The following LAMA1 variants were observed in gnomAD, a reference collection of about 807,000 sequenced individuals.
LAMA1 encodes laminin subunit alpha 1, also known as laminin subunit alpha-1.
Under a neutral mutation model 348.7 loss-of-function variants are expected in LAMA1, and 219 were observed. The ratio of observed to expected loss-of-function variants is 0.63; its 90% CI spans 0.56 to 0.70. The LOEUF (loss-of-function observed/expected upper bound fraction) is 0.70, where lower values mean the gene tolerates loss of function less well. Among genes scored for constraint, LAMA1 ranks in the 30% least tolerant of loss-of-function variants. The pLI, the probability that LAMA1 is intolerant of heterozygous loss-of-function variation, is 0.00. For synonymous variants in LAMA1, 1,487 were observed against 1,491.0 expected (o/e 1.00, Z 0.06); for missense variants, 3,744 against 3,888.0 (o/e 0.96, Z 0.99).
At chr18:7,038,528 C>T in intron 11 of LAMA1, 1 of 475,560 alleles carries the variant, frequency 2.1e-6, no homozygotes, top group Non-Finnish European at 3.8e-6. Context: ...GCCGACCTCC[C>T]CACCCAATCC....
At chr18:6,975,564 C>T (rs1360868645) in intron 45 of LAMA1, among the ~76,000 whole-genome samples, 2 of 152,226 alleles carry the variant, frequency 1.3e-5, no homozygotes, top group East Asian at 1.9e-4. Context: ...GCCAAGGTAT[C>T]GAAGACCTTT....
rs151335586 is a variant in LAMA1, at chr18:7,100,769, G to C, written c.61+16891C>G. Among the ~76,000 whole-genome samples, 11 of 152,204 alleles carry C rather than the reference G, an allele frequency of 7.2e-5. No homozygotes were observed. In the East Asian group the frequency reaches 2.1e-3, roughly 29 times the overall value. On this transcript the variant is annotated intron_variant, in intron 1 of 62. Coordinates refer to ENST00000389658, the MANE Select transcript of LAMA1 (RefSeq NM_005559.4). ...TCACACCTGTAATCCCAGCACTTTG[G>C]GGGGCCGAGACTGGCAGATCACTTG...
intron 58 of LAMA1, among the ~76,000 whole-genome samples, chr18:6,949,939 T>C (rs565914065): frequency 2.0e-5 from 3 of 152,358 alleles, no homozygotes; most frequent in South Asian, 4.2e-4. Context: ...TGTTTATACT[T>C]TGCCCTTTTA....
intron 9 of LAMA1, 69 bp downstream of exon 9, chr18:7,042,076 C>G (rs2035341460): frequency 9.8e-7 from 1 of 1,022,850 alleles, no homozygotes; most frequent in East Asian, 2.6e-5. Flanking sequence ...ACCATTAGTT[C>G]CAGTATGTGC....
chr18:7,055,830 C>T (rs2058079365), intron 3 of LAMA1, among the ~76,000 whole-genome samples: 1 of 152,006 alleles, frequency 6.6e-6, no homozygotes, highest in Non-Finnish European at 1.5e-5. Flanking sequence ...ACCTGTAATC[C>T]CAGCATTTTG....
chr18:6,965,501 G>A (rs1466022067), intron 49 of LAMA1, 69 bp from the exon 50 acceptor site: 1 of 1,555,854 alleles, frequency 6.4e-7, no homozygotes. Context: ...CTTCAAGTCA[G>A]GGATGGCTGA....
At chr18:7,066,180 T>G (rs1419677086) in intron 3 of LAMA1, among the ~76,000 whole-genome samples, 1 of 152,256 alleles carries the variant, frequency 6.6e-6, no homozygotes, top group Non-Finnish European at 1.5e-5. Flanking sequence ...TTCCATGATT[T>G]AGGCTTAAAA....
chr18:7,081,958 C>T (rs1257914122), intron 1 of LAMA1, among the ~76,000 whole-genome samples: 1 of 152,148 alleles, frequency 6.6e-6, no homozygotes, highest in African/African-American at 2.4e-5. Context: ...TTCATGGCTT[C>T]CACTGTTATT....
chr18:6,963,107 G>A (rs1178418416), intron 51 of LAMA1, among the ~76,000 whole-genome samples: 3 of 151,540 alleles, frequency 2.0e-5, no homozygotes, highest in African/African-American at 7.3e-5. Context: ...GGACCATTAA[G>A]CAACTATATG....
chr18:7,002,839 T>C (rs908896306), intron 29 of LAMA1, among the ~76,000 whole-genome samples: 2 of 152,072 alleles, frequency 1.3e-5, no homozygotes, highest in East Asian at 1.9e-4. Context: ...GCACCACTGA[T>C]AGATTACTGC....
rs189761040 is a variant in LAMA1 at position 7,060,043 on chromosome 18, C to T, written c.346-9107G>A. Among the ~76,000 whole-genome samples, 654 of 152,324 alleles carry T rather than the reference C, an allele frequency of 4.3e-3. 3 individuals carry two copies. The highest frequency in any genetic ancestry group is 0.027 in the Middle Eastern group (8 of 294). ...GCTAATTACCAATGCAGATATGGCT[C>T]ACTTCCAGTTTTATAGCGTGTCAAT... On this transcript the variant is annotated intron_variant, in intron 3 of 62. Coordinates refer to ENST00000389658, the MANE Select transcript of LAMA1 (RefSeq NM_005559.4).
At chr18:6,998,009 C>G (rs1397716243) in intron 32 of LAMA1, 125 bp from the exon 33 acceptor site, 10 of 821,024 alleles carry the variant, frequency 1.2e-5, no homozygotes, top group Admixed American at 1.7e-5. Flanking sequence ...CTCCAAGACC[C>G]CGTGCACCAC....
In LAMA1 at chr18:7,003,554, G is replaced by C. The variant is rs180938393; in HGVS notation, c.4261-1169C>G. 5.9e-5 allele frequency among the ~76,000 whole-genome samples: 9 copies of C among 152,146 alleles called. No individual in the cohort carries two copies. In the East Asian group the frequency reaches 1.7e-3, roughly 29 times the overall value. ...ATTACAGGCGTGAGCCACCGTGCCC[G>C]GCCAAAAAGGTACACATTTTTAAAG... On this transcript the variant is annotated intron_variant, in intron 29 of 62. Coordinates refer to ENST00000389658, the MANE Select transcript of LAMA1 (RefSeq NM_005559.4).
At chr18:6,975,377 G>A (rs944685149) in intron 45 of LAMA1, among the ~76,000 whole-genome samples, 7 of 152,178 alleles carry the variant, frequency 4.6e-5, no homozygotes, top group Non-Finnish European at 1.0e-4. Flanking sequence ...CCCAGTCTCC[G>A]AGGTAAGAAA....
chr18:6,990,563 C>T lies in LAMA1; in HGVS notation c.5168+1998G>A, dbSNP rs189629100. On this transcript the variant is annotated intron_variant, in intron 36 of 62. Coordinates refer to ENST00000389658, the MANE Select transcript of LAMA1 (RefSeq NM_005559.4). ...AGAGCACAGCTGAAGCCTCAGTGTG[C>T]AGTCGGGGCTGCAGGACTAACGTTC... is the stretch of plus-strand genomic sequence containing the variant. Among the ~76,000 whole-genome samples the T allele has an allele frequency of 2.8e-4, 43 of 152,272 alleles. No individual in the cohort carries two copies. In the East Asian group the frequency reaches 7.5e-3, roughly 27 times the overall value.
At position 7,000,066 on chromosome 18, in the gene LAMA1, C is replaced by T. The variant is rs1234238081; in HGVS notation, c.4383-69G>A. 8 of 1,147,834 alleles carry T rather than the reference C, an allele frequency of 7.0e-6. No individual in the cohort carries two copies. In the East Asian group the frequency reaches 1.2e-4, roughly 18 times the overall value. 71.1% of individuals were successfully genotyped at this position (1,147,834 alleles called of 1,614,324 possible). ...TCCATCTTTCCTTAAGGTACTTATTCATTACTCTTAGGATACACCATACTG... is the reference window on the plus strand; with the variant it reads ...TCCATCTTTCCTTAAGGTACTTATTTATTACTCTTAGGATACACCATACTG... On this transcript the variant is annotated intron_variant, in intron 30 of 62. Transcript: ENST00000389658.
chr18:6,957,372 T>TGAAC (rs2057584760), intron 55 of LAMA1: 1 of 157,412 alleles, frequency 6.4e-6, no homozygotes, highest in Admixed American at 6.0e-5. Flanking sequence ...AATGAATGAA[T>TGAAC]GAACAGACAA....
At chr18:7,109,636 A>C (rs1198593303) in intron 1 of LAMA1, among the ~76,000 whole-genome samples, 1 of 152,118 alleles carries the variant, frequency 6.6e-6, no homozygotes, top group Non-Finnish European at 1.5e-5. Context: ...ACCAAATCAC[A>C]CAGCTGCAAG....
chr18:6,987,288 T>C (rs909832146), intron 36 of LAMA1, among the ~76,000 whole-genome samples: 5 of 152,194 alleles, frequency 3.3e-5, no homozygotes, highest in African/African-American at 1.2e-4. Context: ...ACTGCAATCT[T>C]TCATTATATA....
Sources: gnomAD v4.1 joint callset for allele counts (sites outside exome capture counted in the v4.1 genomes callset) on GRCh38, gnomAD v4.1.1 for gene constraint, MANE v1.5 for transcripts, NCBI Gene and HGNC (gene_info 2026-07-23, HGNC 2026-07-21) for gene names.